CADPS: variants seen among roughly 807,000 people sequenced by gnomAD.
The protein encoded by CADPS is calcium-dependent secretion activator 1.
CADPS carries 57 observed loss-of-function variants against 167.3 expected under a neutral mutation model. That is an observed-to-expected ratio of 0.34 (90% CI 0.28 to 0.42). The LOEUF (loss-of-function observed/expected upper bound fraction) is 0.42, where lower values mean the gene tolerates loss of function less well. Ranked by LOEUF, CADPS falls within the 20% of genes least tolerant of loss-of-function variation. The pLI is 1.00. For synonymous variants in CADPS, 676 were observed against 635.3 expected (o/e 1.06, Z -0.96); for missense variants, 1,414 against 1,738.1 (o/e 0.81, Z 3.32).
At chr3:62,823,582 A>G (rs1379992397) in intron 1 of CADPS, among the ~76,000 whole-genome samples, 1 of 152,192 alleles carries the variant, frequency 6.6e-6, no homozygotes, top group Non-Finnish European at 1.5e-5. Flanking sequence ...GGAAAGATCA[A>G]TGCGTATCTC....
At position 62,530,313 on chromosome 3, in the gene CADPS, G is replaced by A. The variant is rs141106893; in HGVS notation, c.2291+2558C>T. ...CATAATTTCAAAATTATAAAGCATG[G>A]GTTGCTTATTATGAATGACTTGGTA... On this transcript the variant is annotated intron_variant, in intron 13 of 29. Transcript: ENST00000383710. Among the ~76,000 whole-genome samples the A allele has an allele frequency of 4.0e-3, 614 of 152,042 alleles. 8 individuals are homozygous for A. The highest frequency in any genetic ancestry group is 6.2e-3 in the Non-Finnish European group (419 of 67,988).
At chr3:62,714,285 T>C (rs1311059746) in intron 3 of CADPS, among the ~76,000 whole-genome samples, 1 of 152,214 alleles carries the variant, frequency 6.6e-6, no homozygotes, top group African/African-American at 2.4e-5. Flanking sequence ...GAATTATATA[T>C]ACATTACATA....
In CADPS at chr3:62,478,070, T is replaced by C. The variant is rs997082944; in HGVS notation, c.3329+191A>G. The stretch of plus-strand genomic sequence containing the variant: ...AATTGGCAGCCAGATTATTTTGGGT[T>C]TGGGACAGATGGAGGGCAGGTGAAT... On this transcript the variant is annotated intron_variant, in intron 23 of 29. Coordinates refer to ENST00000383710, the MANE Select transcript of CADPS (RefSeq NM_003716.4). The surrounding 1 kb of genome is among the most constrained non-coding windows in gnomAD (Gnocchi z 5.7). 62 of 580,984 alleles carry C rather than the reference T, an allele frequency of 1.1e-4. No individual in the cohort carries two copies. Among genetic ancestry groups the C allele is most frequent in the Non-Finnish European group, 1.6e-4 (53 of 337,416 alleles). 36.0% of individuals were successfully genotyped at this position (580,984 alleles called of 1,614,324 possible). A position where few individuals can be genotyped will look rare whatever the true frequency, so the allele number is the denominator to read the frequency against.
chr3:62,516,360 AG>A, intron 15 of CADPS, among the ~76,000 whole-genome samples, 178 bp from the exon 16 acceptor site: 1 of 152,306 alleles, frequency 6.6e-6, no homozygotes, highest in East Asian at 1.9e-4. Context: ...TCCATGAGTC[AG>A]GGAAGGGCTA....
chr3:62,428,945 C>G (rs2053360132), intron 28 of CADPS, among the ~76,000 whole-genome samples: 1 of 152,168 alleles, frequency 6.6e-6, no homozygotes, highest in Non-Finnish European at 1.5e-5. Context: ...TTATCTGACT[C>G]AAAATGTCAG....
At chr3:62,690,738 C>T (rs2078954053) in intron 3 of CADPS, among the ~76,000 whole-genome samples, 1 of 151,740 alleles carries the variant, frequency 6.6e-6, no homozygotes, top group Non-Finnish European at 1.5e-5. Context: ...GGGAGAGAAC[C>T]CACCTGCCTA....
rs567829427 is a variant in CADPS at position 62,443,236 on chromosome 3, G to A, written c.3669+2529C>T. Among the ~76,000 whole-genome samples the A allele has an allele frequency of 8.5e-5, 13 of 152,278 alleles. No individual in the cohort carries two copies. The South Asian group carries it at 1.9e-3, about 22-fold the overall frequency. Reference sequence around the variant, plus strand: ...ATCCTGAGCAAATTAACTTCTCTGTGCCTTAGTTTCCTCATATTTAAAGTG... The same window carrying A: ...ATCCTGAGCAAATTAACTTCTCTGTACCTTAGTTTCCTCATATTTAAAGTG... On this transcript the variant is annotated intron_variant, in intron 27 of 29. Coordinates refer to ENST00000383710, the MANE Select transcript of CADPS (RefSeq NM_003716.4).
At chr3:62,459,075 A>G (rs562444829) in intron 26 of CADPS, among the ~76,000 whole-genome samples, 15 of 152,336 alleles carry the variant, frequency 9.8e-5, no homozygotes, top group African/African-American at 3.4e-4. Flanking sequence ...GGGATGTCAA[A>G]TTCTGAAACA....
intron 3 of CADPS, among the ~76,000 whole-genome samples, chr3:62,666,729 A>G (rs1849248): frequency 1.5e-3 from 229 of 152,262 alleles, no homozygotes; most frequent in African/African-American, 5.1e-3. Flanking sequence ...GTAGACAGGT[A>G]TTGCCTGAGC....
intron 10 of CADPS, 78 bp downstream of exon 10, chr3:62,557,327 C>G: frequency 3.1e-6 from 3 of 962,986 alleles, no homozygotes; most frequent in Non-Finnish European, 3.4e-6. Context: ...GGAGTAAGTG[C>G]CCAGCAATTA....
chr3:62,851,508 GT>G (rs2078583818), intron 1 of CADPS, among the ~76,000 whole-genome samples: 1 of 149,276 alleles, frequency 6.7e-6, no homozygotes, highest in Non-Finnish European at 1.5e-5. Flanking sequence ...TGTCTGTAAA[GT>G]ATTTTATTTC....
intron 4 of CADPS, among the ~76,000 whole-genome samples, chr3:62,656,474 G>T (rs909175967): frequency 6.6e-6 from 1 of 152,164 alleles, no homozygotes; most frequent in South Asian, 2.1e-4. Context: ...CAGAGTTTTT[G>T]TTCTTAGCTA....
intron 28 of CADPS, chr3:62,405,009 G>A (rs989756166): frequency 6.6e-6 from 1 of 151,884 alleles, no homozygotes; most frequent in African/African-American, 2.4e-5. Context: ...AGGGGCCCAG[G>A]GACAGGGTGA....
intron 3 of CADPS, among the ~76,000 whole-genome samples, chr3:62,688,779 C>T (rs984730150): frequency 1.3e-5 from 2 of 152,056 alleles, no homozygotes; most frequent in Non-Finnish European, 2.9e-5. Flanking sequence ...TCAGTGTCAC[C>T]TTGCTCTCCC....
At chr3:62,501,938 A>G (rs973221630) in intron 17 of CADPS, among the ~76,000 whole-genome samples, 1 of 152,238 alleles carries the variant, frequency 6.6e-6, no homozygotes, top group African/African-American at 2.4e-5. Context: ...TGCCTGATGT[A>G]TATATACAGA....
At chr3:62,811,391 C>T (rs1266957359) in intron 1 of CADPS, among the ~76,000 whole-genome samples, 2 of 152,140 alleles carry the variant, frequency 1.3e-5, no homozygotes, top group Admixed American at 6.6e-5. Context: ...TTCCATCTCT[C>T]AGAAGCACAC....
intron 21 of CADPS, among the ~76,000 whole-genome samples, chr3:62,483,785 G>A (rs569514740): frequency 2.0e-5 from 3 of 152,248 alleles, no homozygotes; most frequent in Non-Finnish European, 2.9e-5. Flanking sequence ...ACACTGCCAT[G>A]TAACAAAACC....
Position 62,513,508 on chromosome 3 carries a change from G to A in CADPS, c.2582-740C>T, listed in dbSNP as rs953648315. On this transcript the variant is annotated intron_variant, in intron 16 of 29. Transcript: ENST00000383710. ...CTTCTCACACTGGGTTTCACAGACA[G>A]AACCAACAGACAAGCCAATGCTAAA... is the stretch of plus-strand genomic sequence containing the variant. 25 of 628,506 alleles carry A rather than the reference G, an allele frequency of 4.0e-5. No homozygotes were observed. In the South Asian group the frequency reaches 4.6e-4, roughly 12 times the overall value. 38.9% of individuals were successfully genotyped at this position (628,506 alleles called of 1,614,324 possible).
chr3:62,494,800 C>T (rs1259203147), intron 18 of CADPS, among the ~76,000 whole-genome samples: 3 of 148,488 alleles, frequency 2.0e-5, no homozygotes, highest in Non-Finnish European at 4.4e-5. Flanking sequence ...TGCCACCATA[C>T]CTGGCTAATT....
Sources: gnomAD v4.1 joint callset for allele counts (sites outside exome capture counted in the v4.1 genomes callset) on GRCh38, gnomAD v4.1.1 for gene constraint, Gnocchi (gnomAD v3.1) non-coding constraint, MANE v1.5 for transcripts, NCBI Gene and HGNC (gene_info 2026-07-23, HGNC 2026-07-21) for gene names.